Variants in CAMK1G observed in about 807,000 individuals in gnomAD.
CAMK1G encodes calcium/calmodulin-dependent protein kinase type 1G.
In CAMK1G, 27 loss-of-function variants were observed where a neutral mutation model predicts 54.8. The observed-to-expected ratio is 0.49, with a 90% CI of 0.36 to 0.68. CAMK1G has a LOEUF of 0.68. Ranked by LOEUF, CAMK1G falls within the 30% of genes least tolerant of loss-of-function variation. The pLI is 0.00. For synonymous variants in CAMK1G, 238 were observed against 224.9 expected (o/e 1.06, Z -0.52); for missense variants, 512 against 591.0 (o/e 0.87, Z 1.39).
intron 1 of CAMK1G, 107 bp from the exon 2 acceptor site, chr1:209,594,848 T>C: frequency 1.6e-6 from 1 of 634,216 alleles, no homozygotes; most frequent in South Asian, 2.1e-5. Flanking sequence ...TCCTTCCTTC[T>C]GATAATTACA....
At chr1:209,600,599 A>G (rs190839412) in intron 3 of CAMK1G, among the ~76,000 whole-genome samples, 3 of 152,378 alleles carry the variant, frequency 2.0e-5, no homozygotes, top group Admixed American at 6.5e-5. Flanking sequence ...TATTAGGCAC[A>G]TGAACACAGG....
At chr1:209,600,749 T>C (rs185172404) in intron 3 of CAMK1G, among the ~76,000 whole-genome samples, 89 of 152,364 alleles carry the variant, frequency 5.8e-4, no homozygotes, top group Non-Finnish European at 1.0e-3. Flanking sequence ...GAGATAAAGA[T>C]TCATTTTGCC....
At chr1:209,606,502 C>T in intron 6 of CAMK1G, 59 bp downstream of exon 6, 3 of 1,575,632 alleles carry the variant, frequency 1.9e-6, no homozygotes, top group South Asian at 2.3e-5. Context: ...ACATGCCTAT[C>T]ATTCATAGAA....
intron 8 of CAMK1G, among the ~76,000 whole-genome samples, chr1:209,609,363 G>A (rs1188978789): frequency 6.6e-6 from 1 of 152,208 alleles, no homozygotes; most frequent in Non-Finnish European, 1.5e-5. Flanking sequence ...GGGCCAGGAG[G>A]GCAGAGCCAG....
At chr1:209,598,943 C>T (rs1665452850) in intron 2 of CAMK1G, among the ~76,000 whole-genome samples, 1 of 152,156 alleles carries the variant, frequency 6.6e-6, no homozygotes, top group Admixed American at 6.5e-5. Context: ...TTTTATACTG[C>T]TATGAAGAAC....
intron 1 of CAMK1G, among the ~76,000 whole-genome samples, chr1:209,585,810 CCGCAGCCTGCCAG>C (rs1665083435): frequency 6.6e-6 from 1 of 152,264 alleles, no homozygotes; most frequent in Admixed American, 6.5e-5. Flanking sequence ...CGGCGCCCAG[CCGCAGCCTGCCAG>C]CGCCAGCGAG....
intron 1 of CAMK1G, among the ~76,000 whole-genome samples, chr1:209,588,521 G>A (rs1466113060): frequency 6.6e-6 from 1 of 152,194 alleles, no homozygotes; most frequent in East Asian, 1.9e-4. Flanking sequence ...CGTTTAATAA[G>A]CACCTCAGGG....
At chr1:209,599,023 C>T (rs1665454669) in intron 2 of CAMK1G, among the ~76,000 whole-genome samples, 3 of 152,112 alleles carry the variant, frequency 2.0e-5, no homozygotes, top group Admixed American at 2.0e-4. Context: ...GCTGAGGTGG[C>T]CCCAGGAAAC....
Position 209,609,847 on chromosome 1 carries a change from T to G in CAMK1G, c.749-4T>G, listed in dbSNP as rs762170245. The G allele has an allele frequency of 1.1e-5, 17 of 1,614,158 alleles. No homozygotes were observed. Among genetic ancestry groups the G allele is most frequent in the Non-Finnish European group, 1.4e-5 (17 of 1,179,986 alleles). On this transcript the variant is annotated splice_polypyrimidine_tract_variant and splice_region_variant and intron_variant, in intron 8 of 12. Coordinates refer to ENST00000361322, the MANE Select transcript of CAMK1G (RefSeq NM_020439.3). Reference sequence around the variant, plus strand: ...GTCGTCGTGTCTTTGATTACTCCCCTTAGCCAAGGACTTTATTTGCCACTT... The same window carrying G: ...GTCGTCGTGTCTTTGATTACTCCCCGTAGCCAAGGACTTTATTTGCCACTT...
At chr1:209,589,805 A>G (rs1481471801) in intron 1 of CAMK1G, among the ~76,000 whole-genome samples, 1 of 152,246 alleles carries the variant, frequency 6.6e-6, no homozygotes, top group East Asian at 1.9e-4. Flanking sequence ...AGAAATGTCT[A>G]TTTATAGCCC....
At chr1:209,592,171 A>G (rs1018386551) in intron 1 of CAMK1G, among the ~76,000 whole-genome samples, 1 of 151,674 alleles carries the variant, frequency 6.6e-6, no homozygotes, top group African/African-American at 2.4e-5. Context: ...ACAGAGTAAG[A>G]CCCTGTCTTT....
chr1:209,608,821 C>T, intron 7 of CAMK1G, 159 bp from the exon 8 acceptor site: 1 of 540,312 alleles, frequency 1.9e-6, no homozygotes, highest in Middle Eastern at 8.8e-4. Context: ...GGACCTGTAC[C>T]ATTCTGGAAT....
intron 1 of CAMK1G, among the ~76,000 whole-genome samples, chr1:209,584,119 G>A (rs1465642339): frequency 6.6e-6 from 1 of 152,048 alleles, no homozygotes; most frequent in Non-Finnish European, 1.5e-5. Flanking sequence ...GTGCCTAGAG[G>A]GACCCCGTCC....
intron 4 of CAMK1G, among the ~76,000 whole-genome samples, chr1:209,604,601 T>C (rs572872206): frequency 6.6e-6 from 1 of 152,322 alleles, no homozygotes; most frequent in African/African-American, 2.4e-5. Context: ...CCACATCTAA[T>C]GTCATGGGAC....
chr1:209,612,088 G>T lies in CAMK1G; in HGVS notation c.1212G>T (p.Val404=). The change falls in exon 11 of 13, where the codon GTG becomes GTT. Residue 404 remains valine, a synonymous_variant. Coordinates refer to ENST00000361322, the MANE Select transcript of CAMK1G (RefSeq NM_020439.3). ...CCCTCCACATCAGCAGCAGCCTGGT[G>T]CCCATGCATCAGGGGTCCCTGGCCG... The part of the protein sequence containing the change: ...NGSLHISSSL[V]PMHQGSLAAG... The T allele has an allele frequency of 6.2e-7, 1 of 1,614,192 alleles. No homozygotes were observed. Among genetic ancestry groups the T allele is most frequent in the Non-Finnish European group, 8.5e-7 (1 of 1,180,002 alleles).
chr1:209,587,497 T>C (rs1665133642), intron 1 of CAMK1G, among the ~76,000 whole-genome samples: 1 of 152,082 alleles, frequency 6.6e-6, no homozygotes, highest in Admixed American at 6.5e-5. Context: ...GAGCCTTTAA[T>C]AAGCTAATGT....
chr1:209,601,946 G>C (rs1373404181), intron 3 of CAMK1G, among the ~76,000 whole-genome samples: 1 of 152,142 alleles, frequency 6.6e-6, no homozygotes, highest in Non-Finnish European at 1.5e-5. Flanking sequence ...CTGAACCCAG[G>C]CCTGACTGAC....
chr1:209,603,358 C>T (rs1056259531), intron 4 of CAMK1G, 70 bp downstream of exon 4: 29 of 1,237,596 alleles, frequency 2.3e-5, no homozygotes, highest in South Asian at 4.9e-5. Flanking sequence ...GGAGGTTGGT[C>T]GCTGGTGAGG....
chr1:209,599,721 A>T (rs1001654180), intron 2 of CAMK1G, among the ~76,000 whole-genome samples: 3 of 152,256 alleles, frequency 2.0e-5, no homozygotes, highest in African/African-American at 7.2e-5. Context: ...TACAGGTTCC[A>T]GTCTAGGGTC....
Sources: allele counts gnomAD v4.1 joint callset (sites outside exome capture counted in the v4.1 genomes callset), GRCh38; gene constraint gnomAD v4.1.1; transcripts MANE v1.5; gene names NCBI Gene and HGNC (gene_info 2026-07-23, HGNC 2026-07-21).